TAS2R1: variants seen among roughly 807,000 people sequenced by gnomAD.
TAS2R1 encodes taste receptor type 2 member 1.
For synonymous variants in TAS2R1, 141 were observed against 134.2 expected, an observed-to-expected ratio of 1.05 and a Z score of -0.35; for missense variants, 370 against 353.4, an observed-to-expected ratio of 1.05 and a Z score of -0.38.
chr5:9,874,242 A>G, the TAS2R1 span, among the ~76,000 whole-genome samples: 2 of 152,310 alleles, frequency 1.3e-5, no homozygotes, highest in East Asian at 3.9e-4. Flanking sequence ...TTTCTTTGGA[A>G]GAACTGCTCT....
the TAS2R1 span, among the ~76,000 whole-genome samples, chr5:9,868,889 G>C: frequency 6.6e-6 from 1 of 152,124 alleles, no homozygotes; most frequent in African/African-American, 2.4e-5. Flanking sequence ...TCTTTGCCTA[G>C]CTATAGTGAC....
At chr5:9,728,279 A>G in the TAS2R1 span, among the ~76,000 whole-genome samples, 1 of 152,258 alleles carries the variant, frequency 6.6e-6, no homozygotes, top group Non-Finnish European at 1.5e-5. Context: ...TGCCTGCAAT[A>G]CACAAATGAA....
At chr5:9,885,588 C>A in the TAS2R1 span, among the ~76,000 whole-genome samples, 2 of 152,058 alleles carry the variant, frequency 1.3e-5, no homozygotes, top group Non-Finnish European at 2.9e-5. Flanking sequence ...TGATATAAGT[C>A]AGGGGGGAAA....
At chr5:9,855,989 A>G in the TAS2R1 span, among the ~76,000 whole-genome samples, 1 of 152,034 alleles carries the variant, frequency 6.6e-6, no homozygotes, top group Non-Finnish European at 1.5e-5. Context: ...TGTTACAATC[A>G]GCATAAAGGA....
At chr5:9,693,521 T>C (rs1238577714) in intron 1 of TAS2R1, among the ~76,000 whole-genome samples, 2 of 30,540 alleles carry the variant, frequency 6.5e-5, no homozygotes, top group Non-Finnish European at 1.1e-4. Flanking sequence ...CAAAACTCCA[T>C]CTCAAAAAAA....
the TAS2R1 span, among the ~76,000 whole-genome samples, chr5:9,838,262 G>A: frequency 1.8e-4 from 27 of 152,230 alleles, no homozygotes; most frequent in South Asian, 4.1e-4. Context: ...GGTGCGCCCC[G>A]TCTCTGCACC....
the TAS2R1 span, among the ~76,000 whole-genome samples, chr5:9,822,584 C>T: frequency 2.6e-5 from 4 of 151,946 alleles, no homozygotes; most frequent in African/African-American, 7.2e-5. Flanking sequence ...CTTCTGACCT[C>T]GTGATCCGCC....
At chr5:9,714,220 G>A (rs1404319857), upstream of TAS2R1, 2 of 152,188 alleles carry the variant, frequency 1.3e-5, no homozygotes, top group Non-Finnish European at 2.9e-5. Flanking sequence ...GTCATTTGCA[G>A]TCTTTACTTG....
rs556740289 is a variant in TAS2R1, at chr5:9,652,853, TA to T, written c.-81+6567del. ...TTTTCTTCTGTTGCATTTACTTTTC[TA>T]AAAAATATTATTTTAATTGTGGTAA... On this transcript the variant is annotated intron_variant, in intron 2 of 2. Transcript: ENST00000506620. Among the ~76,000 whole-genome samples the T allele has an allele frequency of 7.4e-4, 112 of 152,288 alleles. 3 individuals carry two copies. In the Middle Eastern group the frequency reaches 0.014, roughly 18 times the overall value.
At chr5:9,709,100 G>A (rs1741679543) in intron 1 of TAS2R1, among the ~76,000 whole-genome samples, 1 of 151,472 alleles carries the variant, frequency 6.6e-6, no homozygotes, top group Non-Finnish European at 1.5e-5. Context: ...CAGATGATGG[G>A]TTGATGGGTG....
At chr5:9,773,813 T>C in the TAS2R1 span, among the ~76,000 whole-genome samples, 1 of 152,336 alleles carries the variant, frequency 6.6e-6, no homozygotes, top group African/African-American at 2.4e-5. Flanking sequence ...TATTAAATGT[T>C]ATTTATTTTC....
At chr5:9,881,319 T>A in the TAS2R1 span, among the ~76,000 whole-genome samples, 2 of 152,020 alleles carry the variant, frequency 1.3e-5, no homozygotes, top group African/African-American at 2.4e-5. Flanking sequence ...GCGAAGGACC[T>A]CTTCAAGAAC....
the TAS2R1 span, among the ~76,000 whole-genome samples, chr5:9,776,320 T>A: frequency 6.6e-6 from 1 of 152,130 alleles, no homozygotes; most frequent in Non-Finnish European, 1.5e-5. Context: ...TGCCAGGTAA[T>A]AGGGGAGGGA....
chr5:9,637,048 T>C (rs1739977555), intron 2 of TAS2R1, among the ~76,000 whole-genome samples: 1 of 152,174 alleles, frequency 6.6e-6, no homozygotes, highest in African/African-American at 2.4e-5. Flanking sequence ...TTAAGGAGAT[T>C]CCATTTTGGT....
chr5:9,686,907 T>G (rs564059411), intron 1 of TAS2R1, among the ~76,000 whole-genome samples: 2 of 152,248 alleles, frequency 1.3e-5, no homozygotes, highest in African/African-American at 4.8e-5. Context: ...ATAGTAATTA[T>G]AACTTGGTAA....
At chr5:9,667,605 C>T (rs1740662845) in intron 1 of TAS2R1, among the ~76,000 whole-genome samples, 1 of 152,120 alleles carries the variant, frequency 6.6e-6, no homozygotes, top group African/African-American at 2.4e-5. Flanking sequence ...CCGAGGGAGA[C>T]ACATGGAGCA....
rs1043587490 is a variant in TAS2R1, at chr5:9,670,922, A to G, written c.-241-11341T>C. Among the ~76,000 whole-genome samples, 7 of 152,328 alleles carry G rather than the reference A, an allele frequency of 4.6e-5. No individual in the cohort carries two copies. The East Asian group carries it at 1.2e-3, about 25-fold the overall frequency. Reference sequence around the variant, plus strand: ...ATACTAGAAAACCAAATCCAGCAGCACATCAAAAAGCTAATCCACCATGAT... The same window carrying G: ...ATACTAGAAAACCAAATCCAGCAGCGCATCAAAAAGCTAATCCACCATGAT... On this transcript the variant is annotated intron_variant, in intron 1 of 2. Coordinates refer to the TAS2R1 transcript ENST00000506620.
At chr5:9,887,360 A>T in the TAS2R1 span, among the ~76,000 whole-genome samples, 1 of 152,178 alleles carries the variant, frequency 6.6e-6, no homozygotes, top group Non-Finnish European at 1.5e-5. Context: ...ATGTCAAATG[A>T]CTTTCAAATA....
chr5:9,827,646 T>G, the TAS2R1 span, among the ~76,000 whole-genome samples: 9,649 of 151,380 alleles, frequency 0.064, 711 homozygotes, highest in East Asian at 0.24. Flanking sequence ...ATCCAGGTGT[T>G]GTGGCATGCA....
Sources: gnomAD v4.1 joint callset for allele counts (sites outside exome capture counted in the v4.1 genomes callset) on GRCh38, gnomAD v4.1.1 for gene constraint, MANE v1.5 for transcripts, NCBI Gene and HGNC (gene_info 2026-07-23, HGNC 2026-07-21) for gene names.